Variants in HPSE2 observed in about 807,000 individuals in gnomAD.
HPSE2 encodes the protein heparanase 2 (inactive).
HPSE2 carries 38 observed loss-of-function variants against 60.5 expected under a neutral mutation model. The observed-to-expected ratio is 0.63, with a 90% CI of 0.48 to 0.82. The LOEUF is 0.82. HPSE2 is among the 40% of genes least tolerant of loss of function. The probability of loss-of-function intolerance (pLI) is 0.00; values close to 1 mark genes in which losing one functional copy is unlikely to be tolerated. For synonymous variants in HPSE2, 295 were observed against 293.2 expected (o/e 1.01, Z -0.06); for missense variants, 713 against 740.4 (o/e 0.96, Z 0.43).
At chr10:98,935,762 G>A (rs1422400749) in intron 3 of HPSE2, among the ~76,000 whole-genome samples, 2 of 144,900 alleles carry the variant, frequency 1.4e-5, no homozygotes, top group African/African-American at 2.8e-5. Context: ...GAAGGCATGG[G>A]GTCAGGGACC....
chr10:98,749,902 T>C (rs1037100919), intron 3 of HPSE2, among the ~76,000 whole-genome samples: 8 of 127,416 alleles, frequency 6.3e-5, no homozygotes, highest in African/African-American at 2.2e-4. Context: ...ATGTGTAATT[T>C]ATATATTTTA....
the HPSE2 span, among the ~76,000 whole-genome samples, chr10:99,291,989 C>T: frequency 6.6e-6 from 1 of 152,078 alleles, no homozygotes; most frequent in Non-Finnish European, 1.5e-5. Flanking sequence ...TTTTGGCAAG[C>T]TCCATTCCCC....
At chr10:99,167,035 G>A (rs1279263409) in intron 2 of HPSE2, among the ~76,000 whole-genome samples, 2 of 151,516 alleles carry the variant, frequency 1.3e-5, no homozygotes, top group Non-Finnish European at 1.5e-5. Context: ...GTTTGAGACA[G>A]AGTCTTGCTC....
intron 9 of HPSE2, among the ~76,000 whole-genome samples, chr10:98,526,239 G>T (rs908749949): frequency 2.0e-5 from 3 of 152,216 alleles, no homozygotes; most frequent in African/African-American, 7.2e-5. Flanking sequence ...TGGTTAGAAG[G>T]AAGGTCTAGA....
intron 3 of HPSE2, among the ~76,000 whole-genome samples, chr10:99,046,568 C>G (rs1369629278): frequency 6.6e-6 from 1 of 151,998 alleles, no homozygotes; most frequent in East Asian, 1.9e-4. Flanking sequence ...TGATTCTATA[C>G]CTAGAAAACC....
chr10:99,132,144 AG>A (rs1396280739), intron 3 of HPSE2, among the ~76,000 whole-genome samples: 1 of 23,718 alleles, frequency 4.2e-5, no homozygotes, highest in Non-Finnish European at 1.7e-4. Context: ...AAAGAAAGAA[AG>A]GAAGAAAGAA....
chr10:98,558,911 C>A (rs1189555642), intron 9 of HPSE2, among the ~76,000 whole-genome samples: 4 of 152,172 alleles, frequency 2.6e-5, no homozygotes, highest in Non-Finnish European at 5.9e-5. Flanking sequence ...TGAGCAGAGG[C>A]CGTACCCTTG....
chr10:98,633,887 C>T (rs1946429143), intron 7 of HPSE2, among the ~76,000 whole-genome samples: 1 of 152,176 alleles, frequency 6.6e-6, no homozygotes, highest in Admixed American at 6.5e-5. Context: ...GTGTAGTCTA[C>T]CTCTTCCCAG....
chr10:99,291,204 C>G, the HPSE2 span, among the ~76,000 whole-genome samples: 2 of 152,128 alleles, frequency 1.3e-5, no homozygotes, highest in South Asian at 4.1e-4. Flanking sequence ...GGGGATGGAT[C>G]AAAACCAATG....
chr10:98,838,405 T>C (rs1224497512), intron 3 of HPSE2, among the ~76,000 whole-genome samples: 2 of 152,152 alleles, frequency 1.3e-5, no homozygotes, highest in African/African-American at 4.8e-5. Flanking sequence ...CTATCTGTGA[T>C]ATAATTATCT....
rs1555010737 is a variant in HPSE2 at position 98,830,981 on chromosome 10, C to CA, written c.611-86926dup. ...TCCCAGACTTAGTAAGTAATTGCTG[C>CA]AGTAATGAGTTCTATGTCTTAATTT... is the stretch of plus-strand genomic sequence containing the variant. On this transcript the variant is annotated intron_variant, in intron 3 of 11. Coordinates refer to ENST00000370552, the MANE Select transcript of HPSE2 (RefSeq NM_021828.5). Among the ~76,000 whole-genome samples, 8 of 152,288 alleles carry CA rather than the reference C, an allele frequency of 5.3e-5. No individual in the cohort carries two copies. The South Asian group carries it at 1.7e-3, about 32-fold the overall frequency.
At chr10:98,554,731 G>A (rs1943956377) in intron 9 of HPSE2, among the ~76,000 whole-genome samples, 2 of 152,186 alleles carry the variant, frequency 1.3e-5, no homozygotes, top group South Asian at 2.1e-4. Context: ...AGGAAAGTCA[G>A]TTGCCCTTAG....
At chr10:98,747,916 C>T (rs1949665754) in intron 3 of HPSE2, among the ~76,000 whole-genome samples, 1 of 152,130 alleles carries the variant, frequency 6.6e-6, no homozygotes, top group Non-Finnish European at 1.5e-5. Context: ...TAATATCATG[C>T]CGAAGAGTTC....
intron 10 of HPSE2, among the ~76,000 whole-genome samples, chr10:98,485,631 T>G (rs1339928698): frequency 1.3e-5 from 2 of 152,198 alleles, no homozygotes; most frequent in East Asian, 1.9e-4. Flanking sequence ...TCTATCCCAT[T>G]GGTGGGGTTT....
intron 3 of HPSE2, among the ~76,000 whole-genome samples, chr10:98,833,925 AAT>A (rs1254139183): frequency 6.6e-6 from 1 of 152,162 alleles, no homozygotes; most frequent in African/African-American, 2.4e-5. Flanking sequence ...AACATGCCTC[AAT>A]CAGACTTTAA....
chr10:98,733,036 A>C (rs1949266953), intron 4 of HPSE2, among the ~76,000 whole-genome samples: 1 of 152,206 alleles, frequency 6.6e-6, no homozygotes, highest in Admixed American at 6.5e-5. Context: ...GTCACTAGGG[A>C]AGAGCAACTG....
At chr10:98,559,862 A>T (rs769089579) in intron 9 of HPSE2, among the ~76,000 whole-genome samples, 4 of 152,328 alleles carry the variant, frequency 2.6e-5, no homozygotes, top group Non-Finnish European at 2.9e-5. Context: ...TGTATTTTTT[A>T]AAACTGGCAG....
intron 2 of HPSE2, among the ~76,000 whole-genome samples, chr10:99,175,059 C>T (rs546535716): frequency 7.9e-5 from 12 of 152,110 alleles, no homozygotes; most frequent in Admixed American, 1.3e-4. Flanking sequence ...GGGACTGTGC[C>T]GTGAGGAACA....
chr10:98,744,405 T>C (rs925352592), intron 3 of HPSE2, among the ~76,000 whole-genome samples: 2 of 152,134 alleles, frequency 1.3e-5, no homozygotes, highest in African/African-American at 4.8e-5. Flanking sequence ...TGTATGCCTG[T>C]AGTCCCAGCT....
Sources: gnomAD v4.1 joint callset for allele counts (sites outside exome capture counted in the v4.1 genomes callset) on GRCh38, gnomAD v4.1.1 for gene constraint, MANE v1.5 for transcripts, NCBI Gene and HGNC (gene_info 2026-07-23, HGNC 2026-07-21) for gene names.